The following KLHL1 variants were observed in gnomAD, a reference collection of about 807,000 sequenced individuals.
KLHL1 encodes the protein kelch-like protein 1.
Under a neutral mutation model 77.7 loss-of-function variants are expected in KLHL1, and 47 were observed. That is an observed-to-expected ratio of 0.60 (90% CI 0.48 to 0.77). The LOEUF (loss-of-function observed/expected upper bound fraction) is 0.77. KLHL1 is among the 30% of genes least tolerant of loss of function. The pLI is 0.00. For missense variants in KLHL1, 925 were observed against 910.8 expected (o/e 1.02, Z -0.20); for synonymous variants, 360 against 325.2 (o/e 1.11, Z -1.15).
intron 4 of KLHL1, among the ~76,000 whole-genome samples, chr13:69,898,240 C>T (rs536891497): frequency 6.6e-6 from 1 of 152,330 alleles, no homozygotes; most frequent in East Asian, 1.9e-4. Flanking sequence ...TTCCTGCCCT[C>T]CCAGTAAGCC....
intron 1 of KLHL1, among the ~76,000 whole-genome samples, chr13:70,063,444 C>T (rs1379712306): frequency 6.6e-6 from 1 of 152,054 alleles, no homozygotes. Flanking sequence ...GACTTGATCA[C>T]TAGAACTGTG....
At chr13:69,941,415 C>T (rs1218506632) in intron 3 of KLHL1, among the ~76,000 whole-genome samples, 1 of 152,012 alleles carries the variant, frequency 6.6e-6, no homozygotes, top group African/African-American at 2.4e-5. Flanking sequence ...AATAGTGACA[C>T]AACTTATCAA....
intron 3 of KLHL1, among the ~76,000 whole-genome samples, chr13:69,958,238 A>AAATAAT (rs75990668): frequency 1.1e-3 from 171 of 150,264 alleles, no homozygotes; most frequent in African/African-American, 3.0e-3. Flanking sequence ...ACCAGTTACC[A>AAATAAT]AATAATAATA....
chr13:69,701,698 T>G lies in KLHL1; in HGVS notation c.*4A>C, dbSNP rs749710803. The G allele has an allele frequency of 2.5e-6, 4 of 1,599,846 alleles. No individual in the cohort carries two copies. In the African/African-American group the frequency reaches 5.4e-5, roughly 22 times the overall value. ...AAAATCTTTCCAAGTAAAATATCAA[T>G]AAGTCAAGGTTGCTTGATGACTACC... On this transcript the variant is annotated 3_prime_UTR_variant, in exon 11 of 11. Coordinates refer to ENST00000377844, the MANE Select transcript of KLHL1 (RefSeq NM_020866.3).
intron 6 of KLHL1, 38 bp downstream of exon 6, chr13:69,838,938 C>T: frequency 4.2e-6 from 6 of 1,435,716 alleles, no homozygotes; most frequent in Non-Finnish European, 5.7e-6. Context: ...CACGGTATAA[C>T]ACAGGATGTA....
At chr13:69,829,261 T>A (rs1203308226) in intron 6 of KLHL1, among the ~76,000 whole-genome samples, 1 of 149,802 alleles carries the variant, frequency 6.7e-6, no homozygotes, top group African/African-American at 2.5e-5. Context: ...ACAGATCACA[T>A]TACAGGATCC....
intron 5 of KLHL1, among the ~76,000 whole-genome samples, chr13:69,859,415 C>A (rs1457869742): frequency 6.6e-6 from 1 of 151,920 alleles, no homozygotes; most frequent in Admixed American, 6.6e-5. Flanking sequence ...ATATTTATTT[C>A]TCTACTCCCT....
At chr13:70,033,282 TGTTTTGTTTC>T (rs1481888004) in intron 1 of KLHL1, among the ~76,000 whole-genome samples, 1 of 152,038 alleles carries the variant, frequency 6.6e-6, no homozygotes, top group African/African-American at 2.4e-5. Flanking sequence ...TTTTTTGTTT[TGTTTTGTTTC>T]GTTTTGTTTT....
At chr13:69,703,439 G>C (rs1207859325) in intron 10 of KLHL1, among the ~76,000 whole-genome samples, 1 of 144,732 alleles carries the variant, frequency 6.9e-6, no homozygotes, top group Non-Finnish European at 1.5e-5. Context: ...AAATTTAAGA[G>C]TTTAAAAAGT....
Position 70,107,569 on chromosome 13 carries a change from C to T in KLHL1, c.131G>A (p.Gly44Asp), listed in dbSNP as rs1005270099. The T allele has an allele frequency of 1.2e-6, 2 of 1,605,712 alleles. No homozygotes were observed. Among genetic ancestry groups the T allele is most frequent in the Non-Finnish European group, 8.5e-7 (1 of 1,175,584 alleles). The change falls in exon 1 of 11, where the codon GGC becomes GAC. Residue 44 changes from glycine to aspartate, a missense_variant. Coordinates refer to ENST00000377844, the MANE Select transcript of KLHL1 (RefSeq NM_020866.3). ...GCTGGGTCCCCAGTGCTCAAAGCTG[C>T]CACTGCCGTCCTGTTGCAGGCAGCC... The part of the protein sequence containing the change: ...GGGCLQQDGS[G>D]SFEHWGPSQS...
At chr13:70,039,909 T>C (rs542452032) in intron 1 of KLHL1, among the ~76,000 whole-genome samples, 6 of 152,174 alleles carry the variant, frequency 3.9e-5, no homozygotes, top group South Asian at 4.1e-4. Context: ...CCAAACTGCT[T>C]GGATTATTTG....
At chr13:69,808,887 T>A (rs1473328487) in intron 6 of KLHL1, among the ~76,000 whole-genome samples, 1 of 151,998 alleles carries the variant, frequency 6.6e-6, no homozygotes, top group Non-Finnish European at 1.5e-5. Context: ...TTTCTGCAAT[T>A]AAAAAGTTTA....
chr13:69,740,629 G>C, intron 7 of KLHL1, 73 bp from the exon 8 acceptor site: 1 of 1,124,950 alleles, frequency 8.9e-7, no homozygotes, highest in Non-Finnish European at 1.2e-6. Context: ...CTGTTAAGTG[G>C]GTAGATCTCA....
At chr13:70,083,136 G>C (rs1458268372) in intron 1 of KLHL1, among the ~76,000 whole-genome samples, 1 of 152,128 alleles carries the variant, frequency 6.6e-6, no homozygotes, top group African/African-American at 2.4e-5. Context: ...AAAAATCCTA[G>C]AGTTAAGTTC....
intron 1 of KLHL1, among the ~76,000 whole-genome samples, chr13:69,986,842 A>T (rs1884885136): frequency 6.6e-6 from 1 of 151,980 alleles, no homozygotes; most frequent in Non-Finnish European, 1.5e-5. Context: ...TAAACTTCTG[A>T]CATACTTATT....
At chr13:70,045,354 T>C (rs1281275573) in intron 1 of KLHL1, among the ~76,000 whole-genome samples, 3 of 152,124 alleles carry the variant, frequency 2.0e-5, no homozygotes, top group Non-Finnish European at 4.4e-5. Context: ...AGCATACTCA[T>C]CATTTAGCAA....
chr13:69,720,008 G>A (rs1026149324), intron 8 of KLHL1, among the ~76,000 whole-genome samples: 1 of 151,988 alleles, frequency 6.6e-6, no homozygotes, highest in Non-Finnish European at 1.5e-5. Flanking sequence ...TGTAACACAT[G>A]CCTGCACCTT....
chr13:69,781,789 A>G (rs1235865919), intron 7 of KLHL1, among the ~76,000 whole-genome samples: 1 of 152,016 alleles, frequency 6.6e-6, no homozygotes, highest in East Asian at 1.9e-4. Context: ...CTTTAGATTA[A>G]TTTTCTCAAA....
intron 2 of KLHL1, 30 bp from the exon 3 acceptor site, chr13:69,961,474 C>G: frequency 6.2e-7 from 1 of 1,610,522 alleles, no homozygotes; most frequent in Non-Finnish European, 8.5e-7. Context: ...TAATTTAGGT[C>G]GTGAATGTAA....
Sources: allele counts gnomAD v4.1 joint callset (sites outside exome capture counted in the v4.1 genomes callset), GRCh38; gene constraint gnomAD v4.1.1; transcripts MANE v1.5; gene names NCBI Gene and HGNC (gene_info 2026-07-23, HGNC 2026-07-21).